TAF5L: variants seen among roughly 807,000 people sequenced by gnomAD.
TAF5L encodes the protein TATA-box binding protein associated factor 5 like, also known as TAF5-like RNA polymerase II p300/CBP-associated factor-associated factor 65 kDa subunit 5L.
Under a neutral mutation model 51.3 loss-of-function variants are expected in TAF5L, and 7 were observed. The ratio of observed to expected loss-of-function variants is 0.14; its 90% confidence interval spans 0.08 to 0.26. TAF5L has a LOEUF of 0.26. TAF5L is among the 10% of genes least tolerant of loss of function. TAF5L has a pLI of 1.00. For missense variants in TAF5L, 575 were observed against 758.9 expected (o/e 0.76, Z 2.85); for synonymous variants, 291 against 308.1 (o/e 0.94, Z 0.58).
intron 2 of TAF5L, among the ~76,000 whole-genome samples, chr1:229,612,934 A>T (rs1571847455): frequency 6.6e-6 from 1 of 152,088 alleles, no homozygotes; most frequent in Non-Finnish European, 1.5e-5. Flanking sequence ...TGCTAACTCC[A>T]CCTCCACACA....
chr1:229,620,742 CA>C (rs1665170449), intron 1 of TAF5L, among the ~76,000 whole-genome samples: 1 of 152,132 alleles, frequency 6.6e-6, no homozygotes. Flanking sequence ...GAGTGTGGCA[CA>C]ATCTACAGAA....
chr1:229,614,714 G>C (rs1271812340), intron 1 of TAF5L, among the ~76,000 whole-genome samples: 1 of 152,176 alleles, frequency 6.6e-6, no homozygotes, highest in Non-Finnish European at 1.5e-5. Flanking sequence ...ACAGAAAATA[G>C]GAAAAGCATC....
intron 1 of TAF5L, among the ~76,000 whole-genome samples, chr1:229,615,077 T>G (rs1365349337): frequency 6.6e-6 from 1 of 152,202 alleles, no homozygotes; most frequent in Non-Finnish European, 1.5e-5. Context: ...TCATTTTATT[T>G]TATTTCATTT....
intron 2 of TAF5L, among the ~76,000 whole-genome samples, chr1:229,610,764 TTCC>T (rs1337374923): frequency 6.6e-6 from 1 of 152,224 alleles, no homozygotes; most frequent in East Asian, 1.9e-4. Flanking sequence ...TCTGAAAGCC[TTCC>T]TCACCCTTCA....
intron 3 of TAF5L, among the ~76,000 whole-genome samples, chr1:229,608,201 A>C (rs1664666144): frequency 6.6e-6 from 1 of 152,208 alleles, no homozygotes; most frequent in African/African-American, 2.4e-5. Flanking sequence ...ATCTATATTT[A>C]CTATAGTCTA....
exon 3 of TAF5L, chr1:229,610,182 T>C (rs2102756343): frequency 2.5e-6 from 4 of 1,614,136 alleles, no homozygotes; most frequent in Non-Finnish European, 3.4e-6. Context: ...CTGCAGACAC[T>C]ATGTTGGCAC....
chr1:229,614,290 G>C (rs376115147), intron 2 of TAF5L, 51 bp downstream of exon 2: 3 of 1,614,064 alleles, frequency 1.9e-6, no homozygotes, highest in Non-Finnish European at 1.7e-6. Context: ...GGATATTGAC[G>C]TGAGTTCTCC....
In TAF5L at chr1:229,619,194, G is replaced by C. The variant is rs191547539; in HGVS notation, c.-3-4709C>G. ...AAGTAGGACCTAAAGCCCTAGCTTT[G>C]CATTAATCATCATGATAAAGTGTAT... is the stretch of plus-strand genomic sequence containing the variant. On this transcript the variant is annotated intron_variant, in intron 1 of 4. Transcript: ENST00000258281. 4.9e-4 allele frequency among the ~76,000 whole-genome samples: 74 copies of C among 152,264 alleles called. 1 individual carries two copies. The highest frequency in any genetic ancestry group is 1.0e-3 in the Admixed American group (16 of 15,296).
At chr1:229,617,505 T>C (rs752179634) in intron 1 of TAF5L, among the ~76,000 whole-genome samples, 8 of 152,244 alleles carry the variant, frequency 5.3e-5, no homozygotes, top group Admixed American at 1.3e-4. Flanking sequence ...GATCTTTTGC[T>C]GACTTGGGAA....
intron 4 of TAF5L, among the ~76,000 whole-genome samples, chr1:229,595,751 C>T (rs1664099571): frequency 6.6e-6 from 1 of 151,562 alleles, no homozygotes; most frequent in Admixed American, 6.6e-5. Flanking sequence ...CCACAACCTC[C>T]GACTCCTGGG....
At chr1:229,603,721 CAG>C (rs1230983074) in intron 3 of TAF5L, among the ~76,000 whole-genome samples, 6 of 152,320 alleles carry the variant, frequency 3.9e-5, no homozygotes, top group African/African-American at 1.4e-4. Context: ...AACTGTAAGA[CAG>C]AGAATGTTAT....
chr1:229,596,087 A>C (rs10799542), intron 4 of TAF5L, among the ~76,000 whole-genome samples: 81,376 of 151,960 alleles, frequency 0.54, 22,032 homozygotes, highest in East Asian at 0.77. Context: ...CCAGCCTGGG[A>C]AACATAGGGA....
At chr1:229,595,512 C>T (rs1191291137) in intron 4 of TAF5L, among the ~76,000 whole-genome samples, 2 of 152,224 alleles carry the variant, frequency 1.3e-5, no homozygotes, top group Non-Finnish European at 2.9e-5. Context: ...GCATTGCCTT[C>T]ATCCATCAGT....
In TAF5L at chr1:229,594,502, C is replaced by T; in HGVS notation, c.1565G>A (p.Ser522Asn). 6.2e-7 allele frequency: 1 copy of T among 1,614,138 alleles called. No individual in the cohort carries two copies. Among genetic ancestry groups the T allele is most frequent in the Non-Finnish European group, 8.5e-7 (1 of 1,179,978 alleles). The change falls in exon 5 of 5, where the codon AGC (serine) becomes AAC (asparagine). Residue 522 changes from serine to asparagine, a missense_variant. By Grantham distance (46) the Ser-to-Asn change is conservative (BLOSUM62 1). This residue lies in a region of TAF5L where 91 missense variants were observed against 96.9 expected (regional missense o/e 0.94). Coordinates refer to ENST00000258281, the Ensembl canonical transcript of TAF5L. The surrounding 1 kb of genome is among the most constrained non-coding windows in gnomAD (Gnocchi z 7.9). Reference sequence around the variant, plus strand: ...CATGGAGGCAGAGGCAATCAAGCCGCTGTCTGGACTGAAGGTGAGGCTGGT... The same window carrying T: ...CATGGAGGCAGAGGCAATCAAGCCGTTGTCTGGACTGAAGGTGAGGCTGGT...
At chr1:229,607,351 C>A (rs1014589770) in intron 3 of TAF5L, 2 of 985,318 alleles carry the variant, frequency 2.0e-6, no homozygotes, top group African/African-American at 3.5e-5. Flanking sequence ...CCCTGCCATT[C>A]CTCTTACAAA....
chr1:229,606,895 T>G, intron 3 of TAF5L: 1 of 985,434 alleles, frequency 1.0e-6, no homozygotes, highest in Non-Finnish European at 1.2e-6. Context: ...GAAAAATACA[T>G]TCAGGTGGAT....
At chr1:229,621,693 A>G (rs1307195532) in intron 1 of TAF5L, among the ~76,000 whole-genome samples, 1 of 152,230 alleles carries the variant, frequency 6.6e-6, no homozygotes, top group Non-Finnish European at 1.5e-5. Flanking sequence ...TAATTTAAAA[A>G]AAGAGAAACT....
intron 1 of TAF5L, among the ~76,000 whole-genome samples, chr1:229,622,048 TC>T (rs1665222682): frequency 6.7e-6 from 1 of 149,014 alleles, no homozygotes; most frequent in Non-Finnish European, 1.5e-5. Flanking sequence ...TATCTATCTA[TC>T]TATCTATCTA....
chr1:229,595,173 G>A, intron 4 of TAF5L, 79 bp from the exon 5 acceptor site: 2 of 1,449,212 alleles, frequency 1.4e-6, no homozygotes, highest in Non-Finnish European at 9.2e-7. Flanking sequence ...ACAAGTCCAG[G>A]AGAAAAAAAA....
Sources: allele counts gnomAD v4.1 joint callset (sites outside exome capture counted in the v4.1 genomes callset), GRCh38; gene constraint gnomAD v4.1.1; regional missense constraint gnomAD v4.1.1; non-coding constraint Gnocchi (gnomAD v3.1); transcripts MANE v1.5; gene names NCBI Gene and HGNC (gene_info 2026-07-23, HGNC 2026-07-21).